The following TMEM170B variants were observed in gnomAD, a reference collection of about 807,000 sequenced individuals.
The protein encoded by TMEM170B is transmembrane protein 170B.
TMEM170B carries 6 observed loss-of-function variants against 13.0 expected under a neutral mutation model. The ratio of observed to expected loss-of-function variants is 0.46; its 90% CI spans 0.25 to 0.91. TMEM170B has a LOEUF of 0.91. Among genes scored for constraint, TMEM170B ranks in the 40% least tolerant of loss-of-function variants. TMEM170B has a pLI of 0.17. For missense variants in TMEM170B, 138 were observed against 165.2 expected (o/e 0.84, Z 0.90); for synonymous variants, 61 against 64.9 (o/e 0.94, Z 0.29).
intron 1 of TMEM170B, among the ~76,000 whole-genome samples, chr6:11,560,150 ATTTTTATTTTTTTAT>A (rs1759643263): frequency 6.6e-6 from 1 of 151,452 alleles, no homozygotes; most frequent in African/African-American, 2.4e-5. Flanking sequence ...CTTCTCCTTT[ATTTTTATTTTTTTAT>A]TTTTTATTTT....
At chr6:11,548,384 C>T (rs1037645348) in intron 1 of TMEM170B, among the ~76,000 whole-genome samples, 3 of 152,070 alleles carry the variant, frequency 2.0e-5, no homozygotes, top group African/African-American at 7.2e-5. Flanking sequence ...AGATACCATC[C>T]CACACCAGTT....
At chr6:11,566,016 G>C (rs562497860) in intron 2 of TMEM170B, among the ~76,000 whole-genome samples, 180 bp downstream of exon 2, 5 of 152,276 alleles carry the variant, frequency 3.3e-5, no homozygotes, top group African/African-American at 1.2e-4. Context: ...CAGACAAGTC[G>C]TTGTAATTCT....
intron 1 of TMEM170B, among the ~76,000 whole-genome samples, chr6:11,545,737 TA>T (rs60136980): frequency 6.8e-5 from 10 of 147,278 alleles, no homozygotes; most frequent in Admixed American, 6.8e-5. Context: ...CCTACTTGTT[TA>T]AAAAAAAAAG....
chr6:11,547,542 A>G (rs963129057), intron 1 of TMEM170B, among the ~76,000 whole-genome samples: 2 of 152,196 alleles, frequency 1.3e-5, no homozygotes. Flanking sequence ...AAAAGTCCTT[A>G]CCCTTGATAG....
chr6:11,568,219 A>G (rs954174293), intron 2 of TMEM170B, among the ~76,000 whole-genome samples: 3 of 152,184 alleles, frequency 2.0e-5, no homozygotes, highest in Admixed American at 2.0e-4. Flanking sequence ...TCTGAACTAG[A>G]GTAATGGCCG....
intron 1 of TMEM170B, among the ~76,000 whole-genome samples, chr6:11,554,663 G>C (rs1211347878): frequency 2.6e-5 from 4 of 152,022 alleles, no homozygotes; most frequent in African/African-American, 9.7e-5. Context: ...TTTACAGTTT[G>C]AAATTATATA....
At chr6:11,549,956 C>T (rs1254663389) in intron 1 of TMEM170B, among the ~76,000 whole-genome samples, 1 of 151,152 alleles carries the variant, frequency 6.6e-6, no homozygotes, top group African/African-American at 2.4e-5. Flanking sequence ...TCCATTACTC[C>T]CCTTCATTTG....
chr6:11,557,091 G>A (rs529372621), intron 1 of TMEM170B, among the ~76,000 whole-genome samples: 10 of 152,276 alleles, frequency 6.6e-5, no homozygotes, highest in Middle Eastern at 3.4e-3. Flanking sequence ...TTAACAATCT[G>A]TAAAAATTGT....
intron 1 of TMEM170B, among the ~76,000 whole-genome samples, chr6:11,562,974 C>G (rs1759688708): frequency 6.6e-6 from 1 of 151,946 alleles, no homozygotes; most frequent in Non-Finnish European, 1.5e-5. Context: ...AAGTATTTTT[C>G]AAATTTATAT....
intron 1 of TMEM170B, among the ~76,000 whole-genome samples, chr6:11,547,032 G>T (rs1286398239): frequency 6.6e-6 from 1 of 152,148 alleles, no homozygotes; most frequent in Non-Finnish European, 1.5e-5. Flanking sequence ...ACTTATCTAT[G>T]TTCAGACAAT....
In TMEM170B at chr6:11,580,058, A is replaced by G. The variant is rs1040933959; in HGVS notation, c.*4497A>G. The G allele has an allele frequency of 6.5e-6, 1 of 154,522 alleles. No homozygotes were observed. Among genetic ancestry groups the G allele is most frequent in the Non-Finnish European group, 1.4e-5 (1 of 69,938 alleles). The allele number at this position is 154,522 out of a possible 1,614,324, so 9.6% of individuals were successfully genotyped here. ...AGACGGAGTTTCGCTCTTGTTGCCC[A>G]GGCTGCAGTGCAATGGCATGATCTC... On this transcript the variant is annotated 3_prime_UTR_variant, in exon 3 of 3. Coordinates refer to ENST00000379426, the MANE Select transcript of TMEM170B (RefSeq NM_001100829.3).
chr6:11,564,710 C>A (rs1404454352), intron 1 of TMEM170B, among the ~76,000 whole-genome samples: 1 of 152,176 alleles, frequency 6.6e-6, no homozygotes, highest in Non-Finnish European at 1.5e-5. Context: ...TCTCTCTTGT[C>A]TTTGATGGAT....
At chr6:11,538,429 T>C in intron 1 of TMEM170B, 55 bp downstream of exon 1, 3 of 1,323,328 alleles carry the variant, frequency 2.3e-6, no homozygotes, top group Non-Finnish European at 3.0e-6. Flanking sequence ...TCTCCTGTCT[T>C]CTCCTTCCTC....
intron 1 of TMEM170B, among the ~76,000 whole-genome samples, chr6:11,549,145 A>G (rs1759482824): frequency 6.6e-6 from 1 of 152,208 alleles, no homozygotes; most frequent in South Asian, 2.1e-4. Flanking sequence ...TTATTGTAGT[A>G]TCAGATGAAT....
intron 1 of TMEM170B, among the ~76,000 whole-genome samples, chr6:11,542,546 G>A (rs760460262): frequency 6.6e-6 from 1 of 152,168 alleles, no homozygotes; most frequent in African/African-American, 2.4e-5. Context: ...ACTACTGTCT[G>A]AATATGTGAA....
chr6:11,547,302 A>T (rs1759452935), intron 1 of TMEM170B, among the ~76,000 whole-genome samples: 1 of 152,174 alleles, frequency 6.6e-6, no homozygotes. Context: ...ACCTTCCTTC[A>T]ATAGCGTTCC....
At chr6:11,561,439 T>C (rs919780171) in intron 1 of TMEM170B, among the ~76,000 whole-genome samples, 2 of 152,176 alleles carry the variant, frequency 1.3e-5, no homozygotes, top group South Asian at 2.1e-4. Flanking sequence ...TCCTAGGACC[T>C]TGGGCATCTG....
chr6:11,547,271 A>T (rs941710642), intron 1 of TMEM170B, among the ~76,000 whole-genome samples: 6 of 152,188 alleles, frequency 3.9e-5, no homozygotes, highest in African/African-American at 1.4e-4. Flanking sequence ...AATTGTTCAC[A>T]TTCATACTGG....
At chr6:11,574,760 G>A (rs1336028343) in intron 2 of TMEM170B, among the ~76,000 whole-genome samples, 1 of 152,044 alleles carries the variant, frequency 6.6e-6, no homozygotes, top group African/African-American at 2.4e-5. Flanking sequence ...AGATTCTCCC[G>A]TTCTCAGAAG....
Sources: allele counts gnomAD v4.1 joint callset (sites outside exome capture counted in the v4.1 genomes callset), GRCh38; gene constraint gnomAD v4.1.1; transcripts MANE v1.5; gene names NCBI Gene and HGNC (gene_info 2026-07-23, HGNC 2026-07-21).